C12orf42: variants seen among roughly 807,000 people sequenced by gnomAD.
C12orf42 encodes chromosome 12 open reading frame 42, also known as uncharacterized protein C12orf42.
A neutral mutation model predicts 21.6 loss-of-function variants in C12orf42; 25 were observed. The ratio of observed to expected loss-of-function variants is 1.16; its 90% CI spans 0.84 to 1.62. The LOEUF is 1.62. Ranked by LOEUF, C12orf42 falls within the 40% of genes most tolerant of loss-of-function variation. The pLI is 0.00. For synonymous variants in C12orf42, 174 were observed against 175.0 expected (o/e 0.99, Z 0.05); for missense variants, 483 against 459.3 (o/e 1.05, Z -0.47).
chr12:103,302,242 C>A lies in C12orf42; in HGVS notation c.949G>T (p.Gly317Cys). The A allele has an allele frequency of 1.2e-6, 2 of 1,611,650 alleles. No individual in the cohort carries two copies. Among genetic ancestry groups the A allele is most frequent in the Non-Finnish European group, 1.7e-6 (2 of 1,178,776 alleles). The change falls in exon 6 of 6, where the codon GGT becomes TGT. Residue 317 changes from glycine to cysteine, a missense_variant. By Grantham distance (159) the Gly-to-Cys change is radical (BLOSUM62 -3). Transcript: ENST00000548883. The part of the protein sequence containing the change: ...LAGAPLPLLA[G>C]ASTHFPSKRL... ...TTGGAGGGGAAATGGGTGGAAGCAC[C>A]GGCCAGCAGAGGAAGGGGCGCTCCT...
chr12:103,146,646 T>G, the C12orf42 span, among the ~76,000 whole-genome samples: 2 of 149,566 alleles, frequency 1.3e-5, no homozygotes, highest in African/African-American at 2.4e-5. Context: ...TAAATGAGCA[T>G]GTGGAGGCAA....
the C12orf42 span, among the ~76,000 whole-genome samples, chr12:103,060,719 G>A: frequency 2.6e-5 from 4 of 152,236 alleles, no homozygotes; most frequent in Non-Finnish European, 5.9e-5. Flanking sequence ...AACAAGCAAT[G>A]GGGAAAGGTT....
At chr12:103,367,235 G>C (rs55760968) in intron 4 of C12orf42, among the ~76,000 whole-genome samples, 1 of 152,008 alleles carries the variant, frequency 6.6e-6, no homozygotes. Flanking sequence ...ATAAGTGGAA[G>C]CTAAGCTATG....
At chr12:103,548,268 A>G in the C12orf42 span, among the ~76,000 whole-genome samples, 1 of 152,370 alleles carries the variant, frequency 6.6e-6, no homozygotes, top group East Asian at 1.9e-4. Flanking sequence ...GTGTTTAAAA[A>G]AGAATTCTGC....
At chr12:103,101,600 T>TCGTC in the C12orf42 span, among the ~76,000 whole-genome samples, 1 of 152,224 alleles carries the variant, frequency 6.6e-6, no homozygotes, top group East Asian at 1.9e-4. Flanking sequence ...CGCTCTGCTA[T>TCGTC]CATCCATGTC....
In C12orf42 at chr12:103,352,767, T is replaced by C. The variant is rs1311015301; in HGVS notation, c.259+16120A>G. ...TCTAAATTGTCTCAATGCAACCACT[T>C]ATTTTATCAGAAAATGGAGATAATA... On this transcript the variant is annotated intron_variant, in intron 4 of 5. Transcript: ENST00000548883. 3.9e-5 allele frequency among the ~76,000 whole-genome samples: 6 copies of C among 152,298 alleles called. No individual in the cohort carries two copies. The East Asian group carries it at 1.2e-3, about 29-fold the overall frequency.
intron 4 of C12orf42, among the ~76,000 whole-genome samples, chr12:103,335,196 T>C (rs1386136572): frequency 6.6e-6 from 1 of 152,230 alleles, no homozygotes; most frequent in African/African-American, 2.4e-5. Flanking sequence ...GACATCAGAG[T>C]TGAACAACAG....
chr12:103,346,781 C>A (rs985520845), intron 4 of C12orf42, among the ~76,000 whole-genome samples: 7 of 152,196 alleles, frequency 4.6e-5, no homozygotes, highest in African/African-American at 1.7e-4. Flanking sequence ...CCTGTGGATT[C>A]TATTCCAAAG....
intron 4 of C12orf42, among the ~76,000 whole-genome samples, chr12:103,281,501 C>T (rs962803579): frequency 1.3e-5 from 2 of 151,724 alleles, no homozygotes; most frequent in African/African-American, 2.4e-5. Flanking sequence ...TAGCTACAGG[C>T]GCCCACCACC....
intron 2 of C12orf42, among the ~76,000 whole-genome samples, chr12:103,429,930 A>C (rs1463653812): frequency 6.6e-6 from 1 of 152,230 alleles, no homozygotes; most frequent in Non-Finnish European, 1.5e-5. Flanking sequence ...CAGAAAACTG[A>C]AACTGAACCT....
the C12orf42 span, among the ~76,000 whole-genome samples, chr12:103,206,152 AG>A: frequency 1.3e-4 from 20 of 152,348 alleles, no homozygotes; most frequent in African/African-American, 4.3e-4. Context: ...GGGAATATAA[AG>A]ATCCAGCACT....
At chr12:103,285,763 T>C (rs375773451) in intron 4 of C12orf42, among the ~76,000 whole-genome samples, 1 of 152,210 alleles carries the variant, frequency 6.6e-6, no homozygotes, top group Admixed American at 6.5e-5. Flanking sequence ...CACATCTTCA[T>C]TGGAGAAGAT....
At chr12:103,378,079 G>T (rs1019372995) in intron 3 of C12orf42, among the ~76,000 whole-genome samples, 2 of 151,844 alleles carry the variant, frequency 1.3e-5, no homozygotes, top group African/African-American at 4.8e-5. Context: ...AAGCCAGGGG[G>T]AACTAGCCTG....
chr12:103,401,052 T>G (rs2047944434), intron 3 of C12orf42, among the ~76,000 whole-genome samples: 1 of 152,242 alleles, frequency 6.6e-6, no homozygotes, highest in Non-Finnish European at 1.5e-5. Flanking sequence ...CAACTGGACT[T>G]GCCAGCCATG....
downstream of C12orf42, among the ~76,000 whole-genome samples, chr12:103,237,125 C>A (rs1295964421): frequency 6.6e-6 from 1 of 152,176 alleles, no homozygotes; most frequent in Non-Finnish European, 1.5e-5. Flanking sequence ...GAGGTTAAAT[C>A]TTGCCTGCTC....
At chr12:103,110,963 C>A in the C12orf42 span, among the ~76,000 whole-genome samples, 1 of 152,146 alleles carries the variant, frequency 6.6e-6, no homozygotes, top group African/African-American at 2.4e-5. Context: ...ACATTCTCAG[C>A]ACCAATAATG....
At chr12:103,136,227 C>A in the C12orf42 span, among the ~76,000 whole-genome samples, 34 of 152,042 alleles carry the variant, frequency 2.2e-4, no homozygotes, top group African/African-American at 7.7e-4. Context: ...TATACAAAAT[C>A]GGTAGCATTT....
At chr12:103,395,810 A>G (rs901666048) in intron 3 of C12orf42, among the ~76,000 whole-genome samples, 2 of 151,496 alleles carry the variant, frequency 1.3e-5, no homozygotes, top group Non-Finnish European at 2.9e-5. Flanking sequence ...TTTATGCCAT[A>G]TACATTATAA....
the C12orf42 span, among the ~76,000 whole-genome samples, chr12:103,142,753 G>A: frequency 6.6e-6 from 1 of 152,128 alleles, no homozygotes; most frequent in Non-Finnish European, 1.5e-5. Context: ...GTCTCAAAGA[G>A]GGCTTTATCT....
Sources: gnomAD v4.1 joint callset for allele counts (sites outside exome capture counted in the v4.1 genomes callset) on GRCh38, gnomAD v4.1.1 for gene constraint, MANE v1.5 for transcripts, NCBI Gene and HGNC (gene_info 2026-07-23, HGNC 2026-07-21) for gene names.